The following LMCD1 variants were observed in gnomAD, a reference collection of about 807,000 sequenced individuals.
LMCD1 encodes LIM and cysteine rich domains 1, also known as LIM and cysteine-rich domains protein 1.
LMCD1 carries 32 observed loss-of-function variants against 42.7 expected under a neutral mutation model. That is an observed-to-expected ratio of 0.75 (90% CI 0.57 to 1.01). The LOEUF is 1.01. Ranked by LOEUF, LMCD1 falls within the 50% of genes least tolerant of loss-of-function variation. The pLI, the probability that LMCD1 is intolerant of heterozygous loss-of-function variation, is 0.00. For synonymous variants in LMCD1, 178 were observed against 184.9 expected, an observed-to-expected ratio of 0.96 and a Z score of 0.30; for missense variants, 458 against 483.1, an observed-to-expected ratio of 0.95 and a Z score of 0.49.
chr3:8,503,292 C>T (rs1693804221), intron 1 of LMCD1, among the ~76,000 whole-genome samples: 1 of 152,218 alleles, frequency 6.6e-6, no homozygotes, highest in East Asian at 1.9e-4. Flanking sequence ...TAATTTGTAG[C>T]TGTGCTCTTC....
chr3:8,546,259 GA>G (rs1694733120), intron 3 of LMCD1, among the ~76,000 whole-genome samples: 1 of 152,128 alleles, frequency 6.6e-6, no homozygotes, highest in South Asian at 2.1e-4. Context: ...ATCACCTAAC[GA>G]TAGCTGATGA....
chr3:8,548,234 G>T (rs1195814760), intron 3 of LMCD1, among the ~76,000 whole-genome samples: 1 of 152,158 alleles, frequency 6.6e-6, no homozygotes, highest in Non-Finnish European at 1.5e-5. Flanking sequence ...CTTTGACACA[G>T]ATACATTTCC....
chr3:8,557,376 A>G (rs376104798), intron 4 of LMCD1, among the ~76,000 whole-genome samples: 3 of 152,232 alleles, frequency 2.0e-5, no homozygotes, highest in East Asian at 3.8e-4. Flanking sequence ...CCAGTGCCTG[A>G]ATTCAAGGCC....
chr3:8,503,366 G>C (rs960344886), intron 1 of LMCD1, among the ~76,000 whole-genome samples: 6 of 152,154 alleles, frequency 3.9e-5, no homozygotes, highest in Admixed American at 6.5e-5. Context: ...TGGGTACCAA[G>C]TCACATTGAA....
At chr3:8,547,561 G>C (rs776277559) in intron 3 of LMCD1, among the ~76,000 whole-genome samples, 4 of 152,162 alleles carry the variant, frequency 2.6e-5, no homozygotes, top group Admixed American at 6.5e-5. Context: ...TGAGAAATGT[G>C]TCCTCAGGTG....
At chr3:8,537,818 A>G (rs1172641736) in intron 3 of LMCD1, among the ~76,000 whole-genome samples, 1 of 152,220 alleles carries the variant, frequency 6.6e-6, no homozygotes, top group Non-Finnish European at 1.5e-5. Context: ...AGCCTGGGAT[A>G]TGCCCTTTGC....
At chr3:8,541,774 G>C (rs558662362) in intron 3 of LMCD1, among the ~76,000 whole-genome samples, 1 of 152,134 alleles carries the variant, frequency 6.6e-6, no homozygotes, top group Non-Finnish European at 1.5e-5. Context: ...CGTTGACTCC[G>C]GCCCAAACCT....
At chr3:8,526,169 T>C (rs1034146619) in intron 1 of LMCD1, among the ~76,000 whole-genome samples, 1 of 152,186 alleles carries the variant, frequency 6.6e-6, no homozygotes, top group African/African-American at 2.4e-5. Context: ...CAAAATCCCC[T>C]GCTAAAGGAC....
intron 1 of LMCD1, among the ~76,000 whole-genome samples, chr3:8,518,480 A>T (rs1166483796): frequency 2.0e-5 from 3 of 152,192 alleles, no homozygotes; most frequent in Admixed American, 2.0e-4. Context: ...ACAAACTAGA[A>T]ACGGACCACT....
In LMCD1 at chr3:8,548,625, G is replaced by A; in HGVS notation, c.445G>A (p.Gly149Ser). ...KEKQPVTGTE[G>S]AFYRRRQLMH... ...GAAGCAGCCAGTGACAGGCACAGAG[G>A]GTGCCTTTTACCGCCGCCGCCAGCT... The change falls in exon 4 of 6, where the codon GGT becomes AGT. Residue 149 changes from glycine to serine, a missense_variant. By Grantham distance (56) the Gly-to-Ser change is moderately conservative. Coordinates refer to ENST00000157600, the MANE Select transcript of LMCD1 (RefSeq NM_014583.4). 1 of 1,614,122 alleles carries A rather than the reference G, an allele frequency of 6.2e-7. No homozygotes were observed. The highest frequency in any genetic ancestry group is 8.5e-7 in the Non-Finnish European group (1 of 1,180,012).
intron 5 of LMCD1, among the ~76,000 whole-genome samples, chr3:8,566,686 T>C (rs981201787): frequency 1.3e-5 from 2 of 151,874 alleles, no homozygotes; most frequent in African/African-American, 2.4e-5. Context: ...ATAAGCATGA[T>C]TTTTTCTCAT....
chr3:8,541,519 A>G (rs903824569), intron 3 of LMCD1, among the ~76,000 whole-genome samples: 5 of 152,236 alleles, frequency 3.3e-5, no homozygotes, highest in African/African-American at 1.2e-4. Flanking sequence ...ACTGCACTCC[A>G]GCCTGGGCAA....
chr3:8,559,111 T>A (rs1053014383), intron 4 of LMCD1, among the ~76,000 whole-genome samples: 1 of 151,926 alleles, frequency 6.6e-6, no homozygotes, highest in Non-Finnish European at 1.5e-5. Context: ...TGGCAAATGA[T>A]GAAAAACTCA....
intron 4 of LMCD1, among the ~76,000 whole-genome samples, chr3:8,564,228 TTTGC>T (rs1422540535): frequency 3.9e-5 from 6 of 152,168 alleles, no homozygotes; most frequent in Non-Finnish European, 7.3e-5. Context: ...CTGTGCTGTT[TTTGC>T]AATTTTTCTG....
intron 1 of LMCD1, among the ~76,000 whole-genome samples, chr3:8,513,683 A>G (rs1343703279): frequency 6.6e-6 from 1 of 152,222 alleles, no homozygotes; most frequent in African/African-American, 2.4e-5. Flanking sequence ...AATAGAGGTA[A>G]TATCAAAAAC....
chr3:8,527,164 G>A (rs747597400), intron 1 of LMCD1, among the ~76,000 whole-genome samples: 3 of 152,186 alleles, frequency 2.0e-5, no homozygotes, highest in Non-Finnish European at 2.9e-5. Flanking sequence ...AAAATGTTTG[G>A]CATGTGCCTG....
At chr3:8,555,498 C>T (rs1007667016) in intron 4 of LMCD1, among the ~76,000 whole-genome samples, 2 of 152,192 alleles carry the variant, frequency 1.3e-5, no homozygotes, top group Non-Finnish European at 2.9e-5. Flanking sequence ...AGTCCCGCCA[C>T]CCCTGGCTCA....
intron 2 of LMCD1, among the ~76,000 whole-genome samples, chr3:8,536,123 G>A (rs1240709541): frequency 6.6e-6 from 1 of 152,186 alleles, no homozygotes; most frequent in Admixed American, 6.5e-5. Flanking sequence ...GAAAAGGAGG[G>A]TTCCCTCAGC....
At chr3:8,549,907 C>T (rs1694810042) in intron 4 of LMCD1, 1 of 788,214 alleles carries the variant, frequency 1.3e-6, no homozygotes, top group Non-Finnish European at 2.2e-6. Flanking sequence ...ACCCATTAAT[C>T]TATTAAGCCA....
Sources: allele counts gnomAD v4.1 joint callset (sites outside exome capture counted in the v4.1 genomes callset), GRCh38; gene constraint gnomAD v4.1.1; transcripts MANE v1.5; gene names NCBI Gene and HGNC (gene_info 2026-07-23, HGNC 2026-07-21).